Variants in ZNF227 observed in about 807,000 individuals in gnomAD.
ZNF227 encodes the protein zinc finger protein 227.
ZNF227 carries 12 observed loss-of-function variants against 13.2 expected under a neutral mutation model. The ratio of observed to expected loss-of-function variants is 0.91; its 90% confidence interval spans 0.58 to 1.47. ZNF227 has a LOEUF of 1.47. Among genes scored for constraint, ZNF227 ranks in the 40% most tolerant of loss-of-function variants. The pLI is 0.00. For synonymous variants in ZNF227, 338 were observed against 326.0 expected (o/e 1.04, Z -0.40); for missense variants, 885 against 967.5 (o/e 0.91, Z 1.13).
chr19:44,221,749 A>G (rs964385835), intron 3 of ZNF227, among the ~76,000 whole-genome samples: 4 of 152,164 alleles, frequency 2.6e-5, no homozygotes, highest in Admixed American at 6.5e-5. Flanking sequence ...TTTGCTGTGC[A>G]GAAGCTCTTT....
Position 44,229,831 on chromosome 19 carries a change from G to A in ZNF227, c.271+15G>A. On this transcript the variant is annotated intron_variant, in intron 5 of 5. Coordinates refer to ENST00000313040, the MANE Select transcript of ZNF227 (RefSeq NM_182490.3). ...AACCCAAAGAAGTAGGTATTCTGGTGAGAACCCTGTGTCTGTTCTTTCAGG... is the reference window on the plus strand; with the variant it reads ...AACCCAAAGAAGTAGGTATTCTGGTAAGAACCCTGTGTCTGTTCTTTCAGG... The A allele has an allele frequency of 6.5e-7, 1 of 1,537,330 alleles. No individual in the cohort carries two copies. Among genetic ancestry groups the A allele is most frequent in the African/African-American group, 1.4e-5 (1 of 73,538 alleles).
At chr19:44,210,293 CCT>C (rs1971309060), upstream of ZNF227, among the ~76,000 whole-genome samples, 3 of 152,134 alleles carry the variant, frequency 2.0e-5, no homozygotes, top group East Asian at 1.9e-4. Context: ...GTGTTTATCC[CCT>C]GAGGTTAACA....
At chr19:44,209,187 C>T (rs1971282540), upstream of ZNF227, among the ~76,000 whole-genome samples, 1 of 152,158 alleles carries the variant, frequency 6.6e-6, no homozygotes, top group Non-Finnish European at 1.5e-5. Context: ...GTAGAAATTC[C>T]CAAACATGCA....
intron 2 of ZNF227, among the ~76,000 whole-genome samples, chr19:44,214,666 C>T (rs999983233): frequency 1.2e-4 from 18 of 152,200 alleles, no homozygotes; most frequent in Admixed American, 1.2e-3. Context: ...GCGTGAGCCA[C>T]TGCGCCCAGC....
At chr19:44,211,291 A>G (rs895040860), upstream of ZNF227, among the ~76,000 whole-genome samples, 3 of 152,242 alleles carry the variant, frequency 2.0e-5, no homozygotes, top group African/African-American at 7.2e-5. Context: ...CATAGTCTGA[A>G]TAGTTTGAAC....
rs200401980 is a variant in ZNF227 at position 44,235,518 on chromosome 19, A to G, written c.1088A>G (p.Gln363Arg). 1.9e-6 allele frequency: 3 copies of G among 1,614,220 alleles called. No homozygotes were observed. The highest frequency in any genetic ancestry group is 2.5e-6 in the Non-Finnish European group (3 of 1,180,042). Residue 363 changes from glutamine to arginine, a missense_variant, in exon 6 of 6, where the codon CAA (glutamine) becomes CGA (arginine). Gln to Arg is a conservative substitution (Grantham distance 43). Coordinates refer to ENST00000313040, the MANE Select transcript of ZNF227 (RefSeq NM_182490.3). ...GAGGAATGTGGTAAATGCTTTAGTCAAAGTTCAAATTTTCAGTGCCATCAG... is the reference window on the plus strand; with the variant it reads ...GAGGAATGTGGTAAATGCTTTAGTCGAAGTTCAAATTTTCAGTGCCATCAG... Reference protein sequence around the residue: ...KCEECGKCFSQSSNFQCHQRV... With the variant: ...KCEECGKCFSRSSNFQCHQRV...
chr19:44,211,238 CA>C (rs957572516), upstream of ZNF227, among the ~76,000 whole-genome samples: 86 of 132,840 alleles, frequency 6.5e-4, no homozygotes, highest in East Asian at 1.1e-3. Flanking sequence ...CAAAACAGAA[CA>C]AAAAAAAAAA....
chr19:44,212,245 A>G (rs952781943), upstream of ZNF227, among the ~76,000 whole-genome samples: 1 of 151,936 alleles, frequency 6.6e-6, no homozygotes. Context: ...CACTGACATC[A>G]GAGAACTGCT....
rs984987821 is a variant in ZNF227 at position 44,213,219 on chromosome 19, C to A, written c.-28C>A. On this transcript the variant is annotated 5_prime_UTR_variant, in exon 2 of 6. Coordinates refer to ENST00000313040, the MANE Select transcript of ZNF227 (RefSeq NM_182490.3). The stretch of plus-strand genomic sequence containing the variant: ...TGCAAAGAGGAGGAAGGAGGGACTT[C>A]TTGGCTTCTCCCAGCATAGCCCCAG... 6.6e-6 allele frequency: 1 copy of A among 152,204 alleles called. No individual in the cohort carries two copies. The highest frequency in any genetic ancestry group is 2.4e-5 in the African/African-American group (1 of 41,444). 9.4% of individuals were successfully genotyped at this position (152,204 alleles called of 1,614,324 possible).
chr19:44,211,693 A>G (rs999747816), upstream of ZNF227, among the ~76,000 whole-genome samples: 5 of 152,154 alleles, frequency 3.3e-5, no homozygotes, highest in Admixed American at 1.3e-4. Flanking sequence ...GTGGAAATCC[A>G]TAATATATTC....
At chr19:44,217,962 CAT>C (rs760575272) in intron 3 of ZNF227, 110 bp downstream of exon 3, 135 of 1,228,038 alleles carry the variant, frequency 1.1e-4, no homozygotes, top group Non-Finnish European at 1.5e-4. Flanking sequence ...ATATTCAGGA[CAT>C]GTGGTATGCT....
Position 44,236,893 on chromosome 19 carries a change from T to G in ZNF227, c.*63T>G. 7.2e-7 allele frequency: 1 copy of G among 1,392,382 alleles called. No homozygotes were observed. The highest frequency in any genetic ancestry group is 2.3e-5 in the East Asian group (1 of 43,210). 86.3% of individuals were successfully genotyped at this position (1,392,382 alleles called of 1,614,324 possible). On this transcript the variant is annotated 3_prime_UTR_variant, in exon 6 of 6. Transcript: ENST00000313040. ...CATCTTCAAGTTTTTGGCTAGTCCA[T>G]GCTGGTGGTAAACCCTGTAAAACTA...
At position 44,213,147 on chromosome 19, in the gene ZNF227, A is replaced by C. The variant is rs1971508863; in HGVS notation, c.-100A>C. On this transcript the variant is annotated 5_prime_UTR_variant, in exon 2 of 6. Coordinates refer to ENST00000313040, the MANE Select transcript of ZNF227 (RefSeq NM_182490.3). ...GTTTACCGCCGTTTATCCGGGATAG[A>C]GACTCCATCGTGCTGACAGCATCCT... is the stretch of plus-strand genomic sequence containing the variant. 1 of 151,824 alleles carries C rather than the reference A, an allele frequency of 6.6e-6. No homozygotes were observed. The allele number at this position is 151,824 out of a possible 1,614,324, so 9.4% of individuals were successfully genotyped here. A position where few individuals can be genotyped will look rare whatever the true frequency, so the allele number is the denominator to read the frequency against.
chr19:44,215,447 ATGT>A (rs1971775172), intron 2 of ZNF227, among the ~76,000 whole-genome samples: 1 of 135,210 alleles, frequency 7.4e-6, no homozygotes, highest in Admixed American at 8.0e-5. Context: ...TAGAATATAT[ATGT>A]ATAATTTTTT....
intron 2 of ZNF227, among the ~76,000 whole-genome samples, chr19:44,214,157 T>G (rs1971605258): frequency 6.6e-6 from 1 of 152,224 alleles, no homozygotes; most frequent in Non-Finnish European, 1.5e-5. Flanking sequence ...TTTTTTTGCC[T>G]TTTTTATATG....
At chr19:44,224,350 T>C (rs1331598655) in intron 3 of ZNF227, among the ~76,000 whole-genome samples, 1 of 152,204 alleles carries the variant, frequency 6.6e-6, no homozygotes, top group Non-Finnish European at 1.5e-5. Flanking sequence ...CGTTGATCTG[T>C]CTGATGCTGA....
At chr19:44,228,261 T>C in intron 3 of ZNF227, 185 bp from the exon 4 acceptor site, 1 of 567,472 alleles carries the variant, frequency 1.8e-6, no homozygotes, top group Non-Finnish European at 2.9e-6. Context: ...AGTGATAAAC[T>C]ACAGGCTTTA....
chr19:44,230,383 C>A (rs539089052), intron 5 of ZNF227, among the ~76,000 whole-genome samples: 1 of 152,278 alleles, frequency 6.6e-6, no homozygotes, highest in East Asian at 1.9e-4. Context: ...ACAACCTTCC[C>A]ATTTCACTCA....
chr19:44,231,665 A>AACTT (rs1406509308), intron 5 of ZNF227, among the ~76,000 whole-genome samples: 2 of 152,182 alleles, frequency 1.3e-5, no homozygotes, highest in African/African-American at 4.8e-5. Context: ...CTTAACAAAA[A>AACTT]ACTTACAGAG....
Sources: allele counts gnomAD v4.1 joint callset (sites outside exome capture counted in the v4.1 genomes callset), GRCh38; gene constraint gnomAD v4.1.1; transcripts MANE v1.5; gene names NCBI Gene and HGNC (gene_info 2026-07-23, HGNC 2026-07-21).